The following SEPTIN4 variants were observed in gnomAD, a reference collection of about 807,000 sequenced individuals.
The protein encoded by SEPTIN4 is septin 4.
Under a neutral mutation model 107.1 loss-of-function variants are expected in SEPTIN4, and 52 were observed. That is an observed-to-expected ratio of 0.49 (90% CI 0.39 to 0.61). The LOEUF is 0.61. SEPTIN4 is among the 20% of genes least tolerant of loss of function. SEPTIN4 has a pLI of 0.00. For missense variants in SEPTIN4, 1,048 were observed against 1,243.5 expected (o/e 0.84, Z 2.36); for synonymous variants, 417 against 467.0 (o/e 0.89, Z 1.38).
chr17:58,540,764 T>A, intron 2 of SEPTIN4, 91 bp from the exon 3 acceptor site: 1 of 1,265,842 alleles, frequency 7.9e-7, no homozygotes. Context: ...AGAAATTTAC[T>A]AAAGATGCCC....
Position 58,541,836 on chromosome 17 carries a change from T to C in SEPTIN4, c.1606+86A>G, listed in dbSNP as rs747385361. The C allele has an allele frequency of 5.6e-6, 9 of 1,613,944 alleles. No homozygotes were observed. In the Admixed American group the frequency reaches 1.5e-4, roughly 27 times the overall value. On this transcript the variant is annotated intron_variant, in intron 2 of 13. Transcript: ENST00000672673. The stretch of plus-strand genomic sequence containing the variant: ...GCATTTATCTCCTAAACGACCCAGC[T>C]CTGTAGATACATAGATGCCACTCCT...
intron 7 of SEPTIN4, among the ~76,000 whole-genome samples, chr17:58,523,593 C>T (rs1215028694): frequency 2.6e-5 from 4 of 151,826 alleles, no homozygotes; most frequent in African/African-American, 9.7e-5. Context: ...GACTATAAGC[C>T]TCTCAGGGAT....
chr17:58,539,673 A>T (rs2043824392), intron 3 of SEPTIN4, among the ~76,000 whole-genome samples: 1 of 152,162 alleles, frequency 6.6e-6, no homozygotes, highest in Admixed American at 6.5e-5. Context: ...GTGAAACTTC[A>T]ATTCTTCCCC....
chr17:58,542,786 G>C lies in SEPTIN4; in HGVS notation c.1401C>G (p.Ser467Arg). 1 of 1,614,172 alleles carries C rather than the reference G, an allele frequency of 6.2e-7. No homozygotes were observed. Among genetic ancestry groups the C allele is most frequent in the Non-Finnish European group, 8.5e-7 (1 of 1,180,040 alleles). Residue 467 changes from serine (S) to arginine (R), a missense_variant, in exon 1 of 14, where the codon AGC (serine) becomes AGG (arginine). Ser to Arg is a moderately radical substitution (Grantham distance 110). Around this residue, in one of 2 missense-constraint regions of SEPTIN4, gnomAD observed 787 missense variants for 871.8 expected, o/e 0.90. Coordinates refer to ENST00000672673, the MANE Select transcript of SEPTIN4 (RefSeq NM_001368771.2). ...GGAACTTCAGATCCTCACAGAAAGG[G>C]CTAGAGTCTATTTTAAAACCGGACA... Reference protein sequence around the residue: ...LLLSGFKIDSSPFCEDLKFQR... With the variant: ...LLLSGFKIDSRPFCEDLKFQR...
chr17:58,540,139 A>G (rs2043837481), intron 3 of SEPTIN4, among the ~76,000 whole-genome samples: 1 of 152,198 alleles, frequency 6.6e-6, no homozygotes, highest in Non-Finnish European at 1.5e-5. Context: ...CAAAGTACTT[A>G]TGGGAACAAT....
At chr17:58,529,441 C>T in intron 3 of SEPTIN4, 1 of 1,367,580 alleles carries the variant, frequency 7.3e-7, no homozygotes, top group Non-Finnish European at 9.5e-7. Flanking sequence ...TCACTTGGTT[C>T]CTCTGCAGTC....
chr17:58,522,090 A>T lies in SEPTIN4; in HGVS notation c.2228T>A (p.Val743Glu), dbSNP rs777837286. Reference sequence around the variant, plus strand: ...AAACTGCTGATCAATGTATTCTGCCACAGGCTTCCAGCTGGGGCAGGGACA... The same window carrying T: ...AAACTGCTGATCAATGTATTCTGCCTCAGGCTTCCAGCTGGGGCAGGGACA... ...AVNNTECWKP[V>E]AEYIDQQFEQ... Residue 743 changes from valine (V) to glutamate (E), a missense_variant, in exon 8 of 14, where the codon GTG (valine) becomes GAG (glutamate). Around this residue, in one of 2 missense-constraint regions of SEPTIN4, gnomAD observed 261 missense variants for 371.7 expected, o/e 0.70. Coordinates refer to ENST00000672673, the MANE Select transcript of SEPTIN4 (RefSeq NM_001368771.2). 3.7e-6 allele frequency: 6 copies of T among 1,614,242 alleles called. No individual in the cohort carries two copies. In the Admixed American group the frequency reaches 6.7e-5, roughly 18 times the overall value.
chr17:58,543,043 T>C lies in SEPTIN4; in HGVS notation c.1144A>G (p.Ile382Val). The change falls in exon 1 of 14, where the codon ATT becomes GTT. Residue 382 changes from isoleucine (I) to valine (V), a missense_variant. Transcript: ENST00000672673. ...GTAGGTCCTTGGGACATGTAAGTAA[T>C]TTCTGGGGGTTTTTGGGTTTGCTGT... Reference protein sequence around the residue: ...YKQQTQKPPEITYMSQGPTPR... With the variant: ...YKQQTQKPPEVTYMSQGPTPR... 1 of 1,610,928 alleles carries C rather than the reference T, an allele frequency of 6.2e-7. No homozygotes were observed. The highest frequency in any genetic ancestry group is 8.5e-7 in the Non-Finnish European group (1 of 1,178,834).
At chr17:58,526,569 C>G in intron 4 of SEPTIN4, 113 bp downstream of exon 4, 1 of 1,385,580 alleles carries the variant, frequency 7.2e-7, no homozygotes, top group Middle Eastern at 2.2e-4. Context: ...TACACACACA[C>G]ACAAACACAC....
chr17:58,527,128 G>C lies in SEPTIN4; in HGVS notation c.1615-150C>G, dbSNP rs151181106. 1.7e-4 allele frequency: 222 copies of C among 1,302,904 alleles called. No homozygotes were observed. In the African/African-American group the frequency reaches 2.8e-3, roughly 17 times the overall value. 80.7% of individuals were successfully genotyped at this position (1,302,904 alleles called of 1,614,324 possible). A position where few individuals can be genotyped will look rare whatever the true frequency, so the allele number is the denominator to read the frequency against. On this transcript the variant is annotated intron_variant, in intron 3 of 13. Transcript: ENST00000672673. ...AGAAAAAGAAACTGCAGCCAAGACA[G>C]AGGAAGTGCTCACCATCCCTCCCTC...
At position 58,520,739 on chromosome 17, in the gene SEPTIN4, T is replaced by G. The variant is rs764928262; in HGVS notation, c.2931+4A>C. On this transcript the variant is annotated splice_donor_region_variant and intron_variant, in intron 13 of 13. Coordinates refer to ENST00000672673, the MANE Select transcript of SEPTIN4 (RefSeq NM_001368771.2). ...ACCTCCCCTATACCCCATACTGCTCTCACCTCCTCATCTTTCTCTCGGATA... is the reference window on the plus strand; with the variant it reads ...ACCTCCCCTATACCCCATACTGCTCGCACCTCCTCATCTTTCTCTCGGATA... 1 of 1,614,002 alleles carries G rather than the reference T, an allele frequency of 6.2e-7. No individual in the cohort carries two copies. Among genetic ancestry groups the G allele is most frequent in the African/African-American group, 1.3e-5 (1 of 74,892 alleles).
intron 3 of SEPTIN4, chr17:58,531,980 G>C: frequency 8.7e-7 from 1 of 1,146,478 alleles, no homozygotes; most frequent in African/African-American, 1.6e-5. Context: ...AGCCCGGGCG[G>C]GGCCGGCTCC....
intron 6 of SEPTIN4, 72 bp downstream of exon 6, chr17:58,525,623 C>A: frequency 7.3e-7 from 1 of 1,370,680 alleles, no homozygotes. Flanking sequence ...GGGGAGAGCC[C>A]CATCCCCCAG....
At chr17:58,542,019 C>A (rs2043892640) in intron 1 of SEPTIN4, 53 bp from the exon 2 acceptor site, 1 of 1,578,666 alleles carries the variant, frequency 6.3e-7, no homozygotes. Context: ...GATGCACATC[C>A]CACTCTCCAC....
chr17:58,527,724 G>A (rs1454840123), intron 3 of SEPTIN4: 1 of 547,542 alleles, frequency 1.8e-6, no homozygotes, highest in African/African-American at 2.1e-5. Flanking sequence ...GACCAGGTGA[G>A]GGAGGATGGA....
chr17:58,533,498 C>T (rs1318441441), intron 3 of SEPTIN4, among the ~76,000 whole-genome samples: 1 of 151,830 alleles, frequency 6.6e-6, no homozygotes, highest in Non-Finnish European at 1.5e-5. Flanking sequence ...GAGAACAAGG[C>T]AGCAGCAGGA....
rs2144273372 is a variant in SEPTIN4 at position 58,543,097 on chromosome 17, T to C, written c.1090A>G (p.Met364Val). 1.2e-6 allele frequency: 2 copies of C among 1,612,646 alleles called. No individual in the cohort carries two copies. The highest frequency in any genetic ancestry group is 1.7e-6 in the Non-Finnish European group (2 of 1,179,282). ...SVSEGSHKSS[M>V]FVTPEPIYKQ... ...TAGATGGGCTCTGGAGTAACAAACA[T>C]GGATGACTTGTGGGAGCCCTCAGAC... The change falls in exon 1 of 14, where the codon ATG becomes GTG. Residue 364 changes from methionine (M) to valine (V), a missense_variant. Physicochemically the swap from Met to Val is conservative, Grantham distance 21. This residue lies in a region of SEPTIN4 where 787 missense variants were observed against 871.8 expected (regional missense o/e 0.90). Coordinates refer to ENST00000672673, the MANE Select transcript of SEPTIN4 (RefSeq NM_001368771.2).
At chr17:58,532,254 G>A in intron 3 of SEPTIN4, 1 of 280,858 alleles carries the variant, frequency 3.6e-6, no homozygotes, top group Non-Finnish European at 5.7e-6. Flanking sequence ...GGACAGAGCG[G>A]GGAGCCTCAG....
chr17:58,537,829 CAA>C (rs34156939), intron 3 of SEPTIN4, among the ~76,000 whole-genome samples: 11 of 60,270 alleles, frequency 1.8e-4, no homozygotes, highest in Non-Finnish European at 1.9e-4. Context: ...GACTCTGTCT[CAA>C]AAAAAAAAAA....
Sources: allele counts gnomAD v4.1 joint callset (sites outside exome capture counted in the v4.1 genomes callset), GRCh38; gene constraint gnomAD v4.1.1; regional missense constraint gnomAD v4.1.1; transcripts MANE v1.5; gene names NCBI Gene and HGNC (gene_info 2026-07-23, HGNC 2026-07-21).